INTS2: variants seen among roughly 807,000 people sequenced by gnomAD.
INTS2 encodes the protein integrator complex subunit 2, also known as KIAA1287.
In INTS2, 57 loss-of-function variants were observed where a neutral mutation model predicts 139.6. The observed-to-expected ratio is 0.41, with a 90% CI of 0.33 to 0.51. The LOEUF (loss-of-function observed/expected upper bound fraction) is 0.51, where lower values mean the gene tolerates loss of function less well. INTS2 is among the 20% of genes least tolerant of loss of function. The pLI, the probability that INTS2 is intolerant of heterozygous loss-of-function variation, is 0.28. For synonymous variants in INTS2, 473 were observed against 493.4 expected, an observed-to-expected ratio of 0.96 and a Z score of 0.55; for missense variants, 1,196 against 1,436.7, an observed-to-expected ratio of 0.83 and a Z score of 2.71.
intron 9 of INTS2, among the ~76,000 whole-genome samples, chr17:61,903,458 T>A (rs1341106356): frequency 6.6e-6 from 1 of 151,916 alleles, no homozygotes; most frequent in Non-Finnish European, 1.5e-5. Flanking sequence ...GAGAGCTTTA[T>A]ACTACCAGGT....
intron 13 of INTS2, 114 bp from the exon 14 acceptor site, chr17:61,891,803 A>G (rs2079297799): frequency 1.4e-6 from 1 of 734,292 alleles, no homozygotes; most frequent in Non-Finnish European, 2.2e-6. Context: ...ACTCACTATT[A>G]ACTTTTGGCA....
chr17:61,870,466 A>C lies in INTS2; in HGVS notation c.2779-478T>G, dbSNP rs1219510518. Among the ~76,000 whole-genome samples the C allele has an allele frequency of 6.6e-6, 1 of 152,138 alleles. No homozygotes were observed. Among genetic ancestry groups the C allele is most frequent in the African/African-American group, 2.4e-5 (1 of 41,418 alleles). ...AACCTGTTTAAGGCTCTGGTTTCACAAGGAAAGAGTCTACCTTACCATCCA... is the reference window on the plus strand; with the variant it reads ...AACCTGTTTAAGGCTCTGGTTTCACCAGGAAAGAGTCTACCTTACCATCCA... On this transcript the variant is annotated intron_variant, in intron 20 of 24. Coordinates refer to ENST00000251334, the MANE Select transcript of INTS2 (RefSeq NM_001351695.2). The surrounding 1 kb of genome is among the most constrained non-coding windows in gnomAD (Gnocchi z 4.4).
intron 4 of INTS2, among the ~76,000 whole-genome samples, chr17:61,920,802 C>T (rs79370368): frequency 6.9e-6 from 1 of 145,974 alleles, no homozygotes; most frequent in African/African-American, 2.5e-5. Context: ...GACTCCATCT[C>T]AAAAAAAAAA....
chr17:61,883,894 C>G (rs1015009562), intron 16 of INTS2, among the ~76,000 whole-genome samples: 3 of 151,386 alleles, frequency 2.0e-5, no homozygotes, highest in African/African-American at 7.3e-5. Flanking sequence ...CTGTAGTCCC[C>G]GCTACTAGAG....
chr17:61,889,020 CAAAAACAAAAAACAAAAAACA>C (rs201252855), intron 15 of INTS2, among the ~76,000 whole-genome samples: 1 of 141,032 alleles, frequency 7.1e-6, no homozygotes, highest in Admixed American at 7.1e-5. Context: ...GCAAGACTGT[CAAAAACAAAAAACAAAAAACA>C]AAAAACAAAA....
chr17:61,910,000 G>A lies in INTS2; in HGVS notation c.954+1520C>T, dbSNP rs1352670375. On this transcript the variant is annotated intron_variant, in intron 7 of 24. Coordinates refer to ENST00000251334, the MANE Select transcript of INTS2 (RefSeq NM_001351695.2). This position sits in a 1 kb window ranked among gnomAD's most constrained non-coding sequence, Gnocchi z 4.9. Reference sequence around the variant, plus strand: ...TATATAATGATTTCTCTACCCAGCAGTAGGATTGCTGGACAGAATGGCAGT... The same window carrying A: ...TATATAATGATTTCTCTACCCAGCAATAGGATTGCTGGACAGAATGGCAGT... 2.6e-5 allele frequency among the ~76,000 whole-genome samples: 4 copies of A among 152,152 alleles called. No individual in the cohort carries two copies. The highest frequency in any genetic ancestry group is 9.7e-5 in the African/African-American group (4 of 41,424).
In INTS2 at chr17:61,872,406, T is replaced by C; in HGVS notation, c.2637A>G (p.Ala879=). The change falls in exon 20 of 25, where the codon GCA becomes GCG. Residue 879 remains alanine (A), a synonymous_variant. Coordinates refer to ENST00000251334, the MANE Select transcript of INTS2 (RefSeq NM_001351695.2). The surrounding 1 kb of genome is among the most constrained non-coding windows in gnomAD (Gnocchi z 4.8). ...TLHMLNGYLL[A]SKAYLSAHLK... is the part of the protein sequence containing the mutation. The stretch of plus-strand genomic sequence containing the variant: ...GATGAGCACTAAGGTAGGCTTTAGA[T>C]GCAAGAAGATATCCATTCAACATGT... The C allele has an allele frequency of 6.2e-7, 1 of 1,611,304 alleles. No homozygotes were observed. The highest frequency in any genetic ancestry group is 8.5e-7 in the Non-Finnish European group (1 of 1,177,968).
At position 61,927,898 on chromosome 17, in the gene INTS2, G is replaced by T. The variant is rs369157347; in HGVS notation, c.-263C>A. The T allele has an allele frequency of 6.2e-7, 1 of 1,613,904 alleles. No homozygotes were observed. The highest frequency in any genetic ancestry group is 1.1e-5 in the South Asian group (1 of 91,072). On this transcript the variant is annotated 5_prime_UTR_variant, in exon 1 of 25. Coordinates refer to ENST00000251334, the MANE Select transcript of INTS2 (RefSeq NM_001351695.2). ...AAGGCAGAACCGGGACTGTAGGAAC[G>T]GAAAAGCGGGAGACTTTTTCAACCT...
chr17:61,921,739 C>G lies in INTS2; in HGVS notation c.521G>C (p.Cys174Ser), dbSNP rs2079643342. The G allele has an allele frequency of 3.8e-6, 6 of 1,584,440 alleles. No individual in the cohort carries two copies. The highest frequency in any genetic ancestry group is 5.2e-6 in the Non-Finnish European group (6 of 1,162,310). Residue 174 changes from cysteine to serine, a missense_variant, in exon 4 of 25, where the codon TGT (cysteine) becomes TCT (serine). By Grantham distance (112) the Cys-to-Ser change is moderately radical. Around this residue, in one of 3 missense-constraint regions of INTS2, gnomAD observed 1,129 missense variants for 1,341.9 expected, o/e 0.84. Transcript: ENST00000251334. Reference protein sequence around the residue: ...VYLEEAADVLCILQAELPSLL... With the variant: ...VYLEEAADVLSILQAELPSLL... The stretch of plus-strand genomic sequence containing the variant: ...CAGTACAGTACCTGCTTGTAAAATA[C>G]AAAGTACATCTGCAGCTTCCTCCAA...
rs1397482040 is a variant in INTS2 at position 61,867,946 on chromosome 17, C to CA, written c.3307dup (p.Cys1103LeufsTer9). The CA allele has an allele frequency of 1.2e-6, 2 of 1,611,762 alleles. No individual in the cohort carries two copies. Among genetic ancestry groups the CA allele is most frequent in the Non-Finnish European group, 1.7e-6 (2 of 1,179,150 alleles). The stretch of plus-strand genomic sequence containing the variant: ...CTCATACAATGGAGGAAATGCTCGA[C>CA]AAAAAGAGACCAAACTTGGCAGAGT... On this transcript the variant is annotated frameshift_variant, in exon 24 of 25. Transcript: ENST00000251334. LOFTEE classifies it high-confidence loss of function. The surrounding 1 kb of genome is among the most constrained non-coding windows in gnomAD (Gnocchi z 5.6).
intron 3 of INTS2, among the ~76,000 whole-genome samples, chr17:61,922,628 C>T (rs2079658777): frequency 2.0e-5 from 3 of 147,158 alleles, no homozygotes; most frequent in African/African-American, 7.4e-5. Context: ...TTTGGAAATT[C>T]TGCACAATAG....
At chr17:61,924,206 T>G in intron 3 of INTS2, among the ~76,000 whole-genome samples, 1 of 152,218 alleles carries the variant, frequency 6.6e-6, no homozygotes, top group East Asian at 1.9e-4. Flanking sequence ...GCTCATCCAG[T>G]GTCTAAATGA....
At chr17:61,877,805 T>G (rs1461200051) in intron 18 of INTS2, 82 bp downstream of exon 18, 2 of 1,182,706 alleles carry the variant, frequency 1.7e-6, no homozygotes, top group Non-Finnish European at 2.4e-6. Flanking sequence ...GTGAAAAATT[T>G]TTTAAACAAT....
At position 61,905,200 on chromosome 17, in the gene INTS2, T is replaced by C. The variant is rs185303830; in HGVS notation, c.1182-615A>G. ...AAAAAATCCACCTCCCTTGGTCTCC[T>C]AAAATGCTGGGATTACAGGTGTAAG... On this transcript the variant is annotated intron_variant, in intron 8 of 24. Transcript: ENST00000251334. Among the ~76,000 whole-genome samples the C allele has an allele frequency of 2.1e-3, 316 of 152,232 alleles. 3 individuals carry two copies. Among genetic ancestry groups the C allele is most frequent in the African/African-American group, 7.4e-3 (307 of 41,548 alleles).
rs770077821 is a variant in INTS2, at chr17:61,893,936, C to T, written c.1564-37G>A. ...AAATAGCATTAGTAATATAATAGAACTAAATATAAAATTATTTTGAAAGAG... is the reference window on the plus strand; with the variant it reads ...AAATAGCATTAGTAATATAATAGAATTAAATATAAAATTATTTTGAAAGAG... On this transcript the variant is annotated intron_variant, in intron 12 of 24. Coordinates refer to ENST00000251334, the MANE Select transcript of INTS2 (RefSeq NM_001351695.2). This position sits in a 1 kb window ranked among gnomAD's most constrained non-coding sequence, Gnocchi z 5.4. The T allele has an allele frequency of 2.5e-5, 35 of 1,415,288 alleles. No individual in the cohort carries two copies. The highest frequency in any genetic ancestry group is 3.6e-4 in the Middle Eastern group (2 of 5,602). 87.7% of individuals were successfully genotyped at this position (1,415,288 alleles called of 1,614,324 possible).
At chr17:61,915,695 G>T (rs1196061284) in intron 5 of INTS2, among the ~76,000 whole-genome samples, 1 of 149,284 alleles carries the variant, frequency 6.7e-6, no homozygotes, top group Non-Finnish European at 1.5e-5. Flanking sequence ...GCCGGGCGTG[G>T]TGGCGGGTGC....
chr17:61,923,933 G>T (rs937403363), intron 3 of INTS2, among the ~76,000 whole-genome samples: 1 of 152,028 alleles, frequency 6.6e-6, no homozygotes, highest in Non-Finnish European at 1.5e-5. Flanking sequence ...GATTACAGGC[G>T]TGCACCACCA....
chr17:61,906,963 C>CAAAAAAAAAAAA (rs34773307), intron 8 of INTS2, among the ~76,000 whole-genome samples: 6 of 80,190 alleles, frequency 7.5e-5, no homozygotes, highest in East Asian at 8.5e-4. Flanking sequence ...GATTCCATCT[C>CAAAAAAAAAAAA]AAAAAAAAAA....
intron 6 of INTS2, 57 bp downstream of exon 6, chr17:61,911,883 A>G: frequency 1.3e-6 from 2 of 1,557,560 alleles, no homozygotes; most frequent in Non-Finnish European, 1.7e-6. Context: ...CCATCTTGAG[A>G]AGAGTTCTTG....
Sources: allele counts gnomAD v4.1 joint callset (sites outside exome capture counted in the v4.1 genomes callset), GRCh38; gene constraint gnomAD v4.1.1; regional missense constraint gnomAD v4.1.1; non-coding constraint Gnocchi (gnomAD v3.1); transcripts MANE v1.5; gene names NCBI Gene and HGNC (gene_info 2026-07-23, HGNC 2026-07-21).